Variants in ASB15 observed in about 807,000 individuals in gnomAD.
ASB15 encodes the protein ankyrin repeat and SOCS box containing 15.
ASB15 carries 54 observed loss-of-function variants against 58.0 expected under a neutral mutation model. The ratio of observed to expected loss-of-function variants is 0.93; its 90% CI spans 0.75 to 1.17. The LOEUF is 1.17. ASB15 is among the 50% of genes most tolerant of loss of function. The probability of loss-of-function intolerance (pLI) is 0.00; values close to 1 mark genes in which losing one functional copy is unlikely to be tolerated. For synonymous variants in ASB15, 249 were observed against 262.4 expected (o/e 0.95, Z 0.50); for missense variants, 680 against 707.4 (o/e 0.96, Z 0.44).
intron 8 of ASB15, among the ~76,000 whole-genome samples, chr7:123,626,325 G>A (rs111697203): frequency 0.097 from 14,820 of 152,114 alleles, 886 homozygotes; most frequent in Non-Finnish European, 0.13. Context: ...CCAACATGGC[G>A]AAACCCTGTG....
rs1423945812 is a variant in ASB15 at position 123,624,726 on chromosome 7, C to T, written c.609C>T (p.Val203=). ...TGCTGCTGAAACATGGAGGCAATGTCCACCTGAGAGATGGATTTGGAGTCA... is the reference window on the plus strand; with the variant it reads ...TGCTGCTGAAACATGGAGGCAATGTTCACCTGAGAGATGGATTTGGAGTCA... ...VALLLKHGGN[V]HLRDGFGVTP... The change falls in exon 8 of 12, where the codon GTC becomes GTT. Residue 203 remains valine (V), a synonymous_variant. Coordinates refer to ENST00000451215, the MANE Select transcript of ASB15 (RefSeq NM_001290258.2). 2 of 1,614,152 alleles carry T rather than the reference C, an allele frequency of 1.2e-6. No homozygotes were observed. Among genetic ancestry groups the T allele is most frequent in the South Asian group, 1.1e-5 (1 of 91,066 alleles).
At chr7:123,630,156 A>C (rs566920461) in intron 11 of ASB15, 37 bp downstream of exon 11, 2 of 1,484,352 alleles carry the variant, frequency 1.3e-6, no homozygotes, top group Non-Finnish European at 9.2e-7. Context: ...TTTTTAAATT[A>C]AGAACTTATA....
intron 2 of ASB15, among the ~76,000 whole-genome samples, chr7:123,607,929 T>C (rs1447641201): frequency 1.3e-5 from 2 of 152,208 alleles, no homozygotes; most frequent in Non-Finnish European, 2.9e-5. Flanking sequence ...ATTCTGTAAG[T>C]TTATATTCCC....
intron 1 of ASB15, among the ~76,000 whole-genome samples, chr7:123,572,198 GTGACGCGATCTTGCCTCACTGCAACCTC>G (rs1435792469): frequency 8.4e-6 from 1 of 118,740 alleles, no homozygotes; most frequent in Non-Finnish European, 1.6e-5. Context: ...CTGGAGTGCA[GTGACGCGATCTTGCCTCACTGCAACCTC>G]TGCCTCCTGG....
chr7:123,610,841 A>G (rs755368302), intron 3 of ASB15, among the ~76,000 whole-genome samples: 9 of 152,160 alleles, frequency 5.9e-5, no homozygotes, highest in Non-Finnish European at 1.3e-4. Context: ...GCAAATTATT[A>G]TTAAGAGTCA....
chr7:123,614,483 G>A lies in ASB15; in HGVS notation c.-2-18G>A, dbSNP rs79183490. 2.8e-5 allele frequency: 41 copies of A among 1,489,910 alleles called. No homozygotes were observed. Among genetic ancestry groups the A allele is most frequent in the African/African-American group, 9.7e-5 (7 of 72,032 alleles). 92.3% of individuals were successfully genotyped at this position (1,489,910 alleles called of 1,614,324 possible). On this transcript the variant is annotated intron_variant, in intron 3 of 11. Transcript: ENST00000451215. ...TTTCTTGATAATAAGAACTTGTCTC[G>A]TTCAAAATTATATGCAGGAATGGAT...
chr7:123,628,630 G>A (rs1801948176), intron 9 of ASB15, among the ~76,000 whole-genome samples: 1 of 152,170 alleles, frequency 6.6e-6, no homozygotes, highest in South Asian at 2.1e-4. Flanking sequence ...AAACATATAA[G>A]ATGCAGTTTC....
At chr7:123,571,011 T>C (rs115327899) in intron 1 of ASB15, among the ~76,000 whole-genome samples, 2,238 of 152,332 alleles carry the variant, frequency 0.015, 51 homozygotes, top group African/African-American at 0.05. Flanking sequence ...GGACATCATT[T>C]CCTGACAGTG....
chr7:123,596,888 G>A (rs954906450), upstream of ASB15, among the ~76,000 whole-genome samples: 9 of 152,208 alleles, frequency 5.9e-5, no homozygotes, highest in Non-Finnish European at 1.3e-4. Flanking sequence ...ATTTACTTTG[G>A]TTGCCAATAT....
chr7:123,583,099 T>C lies in ASB15; in HGVS notation c.-443+16011T>C, dbSNP rs138807282. On this transcript the variant is annotated intron_variant, in intron 1 of 13. Coordinates refer to the ASB15 transcript ENST00000451558. ...GTTCAGATGAGAGAACATAAAATGA[T>C]AACATTGTAGACCTAGGTGCAGTGG... Among the ~76,000 whole-genome samples the C allele has an allele frequency of 3.5e-3, 531 of 152,068 alleles. 1 individual carries two copies. Among genetic ancestry groups the C allele is most frequent in the African/African-American group, 0.012 (518 of 41,522 alleles).
intron 7 of ASB15, chr7:123,622,877 G>A (rs1198653208): frequency 3.3e-5 from 5 of 152,208 alleles, no homozygotes; most frequent in South Asian, 2.1e-4. Context: ...GGAGAAAAAC[G>A]GGCATCTCCT....
chr7:123,597,806 G>A (rs1799744506), upstream of ASB15, among the ~76,000 whole-genome samples: 1 of 152,100 alleles, frequency 6.6e-6, no homozygotes, highest in African/African-American at 2.4e-5. Flanking sequence ...ACTCCAGCCT[G>A]GGCAACAGAG....
At chr7:123,619,689 A>G (rs1247144853) in intron 7 of ASB15, among the ~76,000 whole-genome samples, 1 of 151,948 alleles carries the variant, frequency 6.6e-6, no homozygotes, top group Non-Finnish European at 1.5e-5. Flanking sequence ...ACGCCCAGCT[A>G]ATGTTTTGTA....
chr7:123,578,882 A>C (rs972426820), intron 1 of ASB15, among the ~76,000 whole-genome samples: 2 of 152,134 alleles, frequency 1.3e-5, no homozygotes, highest in Admixed American at 6.6e-5. Context: ...TAAACCTATG[A>C]CAATGTAATT....
chr7:123,610,257 G>A (rs897550616), intron 3 of ASB15, among the ~76,000 whole-genome samples: 15 of 152,160 alleles, frequency 9.9e-5, no homozygotes, highest in African/African-American at 3.1e-4. Context: ...GGGACATTTG[G>A]TGGGTCATTT....
At chr7:123,618,913 T>A (rs558388955) in intron 7 of ASB15, among the ~76,000 whole-genome samples, 1 of 152,084 alleles carries the variant, frequency 6.6e-6, no homozygotes, top group East Asian at 1.9e-4. Context: ...CGGTGGCTCA[T>A]GCCTGTAATC....
At chr7:123,616,146 ATAAAT>A (rs1330188124) in intron 4 of ASB15, 70 bp from the exon 5 acceptor site, 1 of 1,225,922 alleles carries the variant, frequency 8.2e-7, no homozygotes, top group Non-Finnish European at 1.2e-6. Context: ...AAAATGCAAT[ATAAAT>A]TAAAATGTTT....
Position 123,614,499 on chromosome 7 carries a change from AG to A in ASB15, c.-2del, listed in dbSNP as rs776673428. 5.1e-6 allele frequency: 8 copies of A among 1,555,410 alleles called. No individual in the cohort carries two copies. The highest frequency in any genetic ancestry group is 6.2e-6 in the Non-Finnish European group (7 of 1,128,710). On this transcript the variant is annotated splice_acceptor_variant, in intron 3 of 11. Coordinates refer to ENST00000451215, the MANE Select transcript of ASB15 (RefSeq NM_001290258.2). LOFTEE classifies it low-confidence loss of function (5UTR_SPLICE). The stretch of plus-strand genomic sequence containing the variant: ...ACTTGTCTCGTTCAAAATTATATGC[AG>A]GAATGGATACTAATGATGACCCTGA...
At chr7:123,586,725 T>A (rs989100137) in intron 1 of ASB15, among the ~76,000 whole-genome samples, 1 of 151,716 alleles carries the variant, frequency 6.6e-6, no homozygotes. Flanking sequence ...TTTCAGTTAA[T>A]TTTTGTATAT....
Sources: gnomAD v4.1 joint callset for allele counts (sites outside exome capture counted in the v4.1 genomes callset) on GRCh38, gnomAD v4.1.1 for gene constraint, MANE v1.5 for transcripts, NCBI Gene and HGNC (gene_info 2026-07-23, HGNC 2026-07-21) for gene names.